ITGBL1: variants seen among roughly 807,000 people sequenced by gnomAD.
ITGBL1 encodes the protein integrin subunit beta like 1.
Under a neutral mutation model 68.5 loss-of-function variants are expected in ITGBL1, and 51 were observed. The ratio of observed to expected loss-of-function variants is 0.74; its 90% CI spans 0.59 to 0.94. The LOEUF is 0.94. ITGBL1 is among the 40% of genes least tolerant of loss of function. The pLI, the probability that ITGBL1 is intolerant of heterozygous loss-of-function variation, is 0.00. For synonymous variants in ITGBL1, 209 were observed against 227.3 expected (o/e 0.92, Z 0.72); for missense variants, 649 against 647.4 (o/e 1.00, Z -0.03).
intron 2 of ITGBL1, among the ~76,000 whole-genome samples, chr13:101,561,182 C>A (rs931499465): frequency 6.6e-6 from 1 of 152,036 alleles, no homozygotes; most frequent in Non-Finnish European, 1.5e-5. Context: ...CATGAAGCCC[C>A]GGGTGCTGCA....
At chr13:101,621,509 A>G (rs2031582255) in intron 7 of ITGBL1, among the ~76,000 whole-genome samples, 1 of 151,886 alleles carries the variant, frequency 6.6e-6, no homozygotes, top group South Asian at 2.1e-4. Flanking sequence ...TTTTTCTCCC[A>G]CTTAAAAAGG....
chr13:101,629,976 C>T (rs1322932447), intron 7 of ITGBL1, among the ~76,000 whole-genome samples: 1 of 152,134 alleles, frequency 6.6e-6, no homozygotes, highest in Non-Finnish European at 1.5e-5. Flanking sequence ...GTGCCTGCCA[C>T]CACGCCCGGC....
At chr13:101,553,782 C>T (rs1163281095) in intron 2 of ITGBL1, among the ~76,000 whole-genome samples, 1 of 151,936 alleles carries the variant, frequency 6.6e-6, no homozygotes. Flanking sequence ...TCCATATTTC[C>T]CCCCTTTTTT....
At chr13:101,682,298 C>T (rs1350190034) in intron 7 of ITGBL1, among the ~76,000 whole-genome samples, 1 of 152,092 alleles carries the variant, frequency 6.6e-6, no homozygotes, top group East Asian at 1.9e-4. Flanking sequence ...TTGTCTTATA[C>T]TTTAGATATA....
intron 7 of ITGBL1, among the ~76,000 whole-genome samples, chr13:101,631,815 C>T (rs563490453): frequency 6.6e-6 from 1 of 152,104 alleles, no homozygotes; most frequent in East Asian, 1.9e-4. Flanking sequence ...AGCTAGTTGC[C>T]AAGGCAAGTT....
intron 7 of ITGBL1, among the ~76,000 whole-genome samples, chr13:101,598,572 C>T (rs902249167): frequency 1.3e-5 from 2 of 152,044 alleles, no homozygotes; most frequent in Non-Finnish European, 2.9e-5. Context: ...TCTCCTAATG[C>T]TATCCCTCCC....
chr13:101,684,805 A>G (rs1222649465), intron 7 of ITGBL1, among the ~76,000 whole-genome samples: 1 of 151,976 alleles, frequency 6.6e-6, no homozygotes, highest in Non-Finnish European at 1.5e-5. Flanking sequence ...AATGTTTACC[A>G]TTAGCACCAA....
intron 2 of ITGBL1, among the ~76,000 whole-genome samples, chr13:101,473,900 G>C (rs548773777): frequency 1.2e-4 from 18 of 152,168 alleles, no homozygotes; most frequent in Non-Finnish European, 2.5e-4. Flanking sequence ...TCATCACCTG[G>C]CTAAAGAGCA....
chr13:101,514,827 A>G (rs537700274), intron 2 of ITGBL1, among the ~76,000 whole-genome samples: 59 of 152,162 alleles, frequency 3.9e-4, no homozygotes, highest in Non-Finnish European at 7.4e-4. Context: ...GATGCCTTCC[A>G]TTCCTTCTAT....
chr13:101,573,742 T>G (rs1481799442), intron 3 of ITGBL1, among the ~76,000 whole-genome samples: 1 of 152,164 alleles, frequency 6.6e-6, no homozygotes, highest in Non-Finnish European at 1.5e-5. Flanking sequence ...AAACTCGGAA[T>G]TCAGCTACAG....
intron 2 of ITGBL1, among the ~76,000 whole-genome samples, chr13:101,474,021 G>A (rs1417557882): frequency 6.6e-6 from 1 of 152,194 alleles, no homozygotes; most frequent in East Asian, 1.9e-4. Context: ...TTCAAGCTGT[G>A]TTGGCCATGG....
At chr13:101,662,161 GTTTA>G (rs1239663535) in intron 7 of ITGBL1, among the ~76,000 whole-genome samples, 4 of 152,132 alleles carry the variant, frequency 2.6e-5, no homozygotes, top group African/African-American at 9.7e-5. Context: ...TGATTGAATA[GTTTA>G]TTTATTTTGA....
intron 7 of ITGBL1, among the ~76,000 whole-genome samples, chr13:101,606,793 G>A (rs756270752): frequency 2.0e-5 from 3 of 151,982 alleles, no homozygotes; most frequent in African/African-American, 2.4e-5. Flanking sequence ...GTTCTATGAT[G>A]TGAATGAGAA....
intron 7 of ITGBL1, among the ~76,000 whole-genome samples, chr13:101,601,414 G>A (rs2030373230): frequency 6.6e-6 from 1 of 152,024 alleles, no homozygotes; most frequent in African/African-American, 2.4e-5. Context: ...TTTTTGAAGG[G>A]TTTTTTGTGT....
chr13:101,601,407 T>A (rs1260923208), intron 7 of ITGBL1, among the ~76,000 whole-genome samples: 1 of 152,228 alleles, frequency 6.6e-6, no homozygotes, highest in African/African-American at 2.4e-5. Flanking sequence ...CATTGATTTT[T>A]TGAAGGGTTT....
chr13:101,669,337 A>C (rs2033300787), intron 7 of ITGBL1, among the ~76,000 whole-genome samples: 1 of 152,126 alleles, frequency 6.6e-6, no homozygotes, highest in Non-Finnish European at 1.5e-5. Context: ...TTGTGTGGTC[A>C]GAATGATAAA....
At position 101,487,796 on chromosome 13, in the gene ITGBL1, A is replaced by G. The variant is rs116445891; in HGVS notation, c.316+33696A>G. ...GGATGCAGAGAGCTCTTCTGCATCA[A>G]CTGAAGTATGTTCAGTCTTAGCTTG... On this transcript the variant is annotated intron_variant, in intron 2 of 10. Coordinates refer to ENST00000376180, the MANE Select transcript of ITGBL1 (RefSeq NM_004791.3). 4.4e-3 allele frequency among the ~76,000 whole-genome samples: 672 copies of G among 152,344 alleles called. 2 individuals carry two copies. Among genetic ancestry groups the G allele is most frequent in the Middle Eastern group, 0.014 (4 of 294 alleles).
At chr13:101,462,174 G>A (rs1331046778) in intron 2 of ITGBL1, among the ~76,000 whole-genome samples, 1 of 152,116 alleles carries the variant, frequency 6.6e-6, no homozygotes, top group African/African-American at 2.4e-5. Context: ...TCACACCGCT[G>A]TCTCCCAGAG....
intron 4 of ITGBL1, among the ~76,000 whole-genome samples, chr13:101,575,978 T>G (rs888963193): frequency 5.3e-5 from 8 of 152,124 alleles, no homozygotes; most frequent in Non-Finnish European, 7.4e-5. Context: ...AGAGTTTACC[T>G]CCCCCTCTCT....
Sources: allele counts gnomAD v4.1 joint callset (sites outside exome capture counted in the v4.1 genomes callset), GRCh38; gene constraint gnomAD v4.1.1; transcripts MANE v1.5; gene names NCBI Gene and HGNC (gene_info 2026-07-23, HGNC 2026-07-21).